EXOC4: variants seen among roughly 807,000 people sequenced by gnomAD.
EXOC4 encodes the protein SEC8-like 1.
In EXOC4, 71 loss-of-function variants were observed where a neutral mutation model predicts 107.2. That is an observed-to-expected ratio of 0.66 (90% CI 0.55 to 0.81). The LOEUF (loss-of-function observed/expected upper bound fraction) is 0.81, where lower values mean the gene tolerates loss of function less well. Ranked by LOEUF, EXOC4 falls within the 30% of genes least tolerant of loss-of-function variation. The pLI is 0.00. For synonymous variants in EXOC4, 456 were observed against 441.2 expected (o/e 1.03, Z -0.42); for missense variants, 1,108 against 1,189.6 (o/e 0.93, Z 1.01).
chr7:133,847,537 A>ATTTTTTTTTTTTTT (rs34297470), intron 11 of EXOC4, among the ~76,000 whole-genome samples: 8 of 127,190 alleles, frequency 6.3e-5, no homozygotes, highest in African/African-American at 2.1e-4. Flanking sequence ...TACACCAGCT[A>ATTTTTTTTTTTTTT]TTTTTTTTTT....
chr7:133,627,815 G>A (rs939658222), intron 9 of EXOC4, among the ~76,000 whole-genome samples: 3 of 152,192 alleles, frequency 2.0e-5, no homozygotes, highest in African/African-American at 7.2e-5. Context: ...TTTTAATTAA[G>A]GGTTGAGTAT....
rs35095963 is a variant in EXOC4 at position 133,899,745 on chromosome 7, C to CTTTT, written c.1871+4031_1871+4034dup. Among the ~76,000 whole-genome samples the CTTTT allele has an allele frequency of 4.1e-4, 35 of 86,234 alleles. 1 individual carries two copies. The highest frequency in any genetic ancestry group is 1.7e-3 in the African/African-American group (29 of 17,528). The allele number at this position is 86,234 out of a possible 152,430, so 56.6% of individuals were successfully genotyped here. A position where few individuals can be genotyped will look rare whatever the true frequency, so the allele number is the denominator to read the frequency against. ...GTATACCCAGTGTTCCAGATGTACT[C>CTTTT]TTTTTTTTTTTTTTTTTTTTTTTTG... is the stretch of plus-strand genomic sequence containing the variant. On this transcript the variant is annotated intron_variant, in intron 12 of 17. Coordinates refer to ENST00000253861, the MANE Select transcript of EXOC4 (RefSeq NM_021807.4).
In EXOC4 at chr7:133,567,252, A is replaced by AAT. The variant is rs200321581; in HGVS notation, c.1418-62780_1418-62779dup. Among the ~76,000 whole-genome samples, 973 of 151,604 alleles carry AAT rather than the reference A, an allele frequency of 6.4e-3. 6 individuals are homozygous for AAT. The highest frequency in any genetic ancestry group is 0.014 in the South Asian group (65 of 4,800). ...AGAAATTTTTTGGCATATATAAGCA[A>AAT]ATATATATATATATTCTTTTTTTTC... On this transcript the variant is annotated intron_variant, in intron 9 of 17. Transcript: ENST00000253861.
chr7:134,055,509 C>T (rs1398167853), intron 17 of EXOC4, among the ~76,000 whole-genome samples: 1 of 152,184 alleles, frequency 6.6e-6, no homozygotes, highest in Non-Finnish European at 1.5e-5. Flanking sequence ...AGCATATGTT[C>T]CCATCAAAGC....
intron 11 of EXOC4, among the ~76,000 whole-genome samples, chr7:133,860,170 A>G (rs1341818599): frequency 3.9e-5 from 6 of 152,324 alleles, no homozygotes; most frequent in Non-Finnish European, 7.4e-5. Flanking sequence ...CAAAGCCTGT[A>G]GGCCAATGCC....
intron 9 of EXOC4, among the ~76,000 whole-genome samples, chr7:133,596,204 ATT>A (rs1801667306): frequency 1.3e-5 from 2 of 152,086 alleles, no homozygotes; most frequent in South Asian, 4.1e-4. Flanking sequence ...TGAAAACTCT[ATT>A]TGGTTATTTT....
At chr7:133,412,920 C>T (rs1797396034) in intron 7 of EXOC4, among the ~76,000 whole-genome samples, 1 of 152,000 alleles carries the variant, frequency 6.6e-6, no homozygotes, top group South Asian at 2.1e-4. Flanking sequence ...GACTCTGTAT[C>T]TTTCTTAGAG....
At chr7:133,619,166 C>T (rs1802267020) in intron 9 of EXOC4, among the ~76,000 whole-genome samples, 2 of 152,134 alleles carry the variant, frequency 1.3e-5, no homozygotes, top group South Asian at 2.1e-4. Flanking sequence ...TAGATGCCAG[C>T]TCTGATTATC....
At chr7:133,828,039 T>G (rs572502968) in intron 11 of EXOC4, among the ~76,000 whole-genome samples, 5 of 152,132 alleles carry the variant, frequency 3.3e-5, no homozygotes, top group Non-Finnish European at 7.4e-5. Flanking sequence ...CAGGGCTTAT[T>G]TGGGGTAAGC....
intron 7 of EXOC4, among the ~76,000 whole-genome samples, chr7:133,459,187 C>CT (rs1296320497): frequency 2.0e-5 from 3 of 152,084 alleles, no homozygotes; most frequent in South Asian, 2.1e-4. Flanking sequence ...AGCATGCTGT[C>CT]TTTTTTCTTT....
intron 11 of EXOC4, among the ~76,000 whole-genome samples, chr7:133,836,131 C>T (rs1797913255): frequency 6.6e-6 from 1 of 152,170 alleles, no homozygotes; most frequent in African/African-American, 2.4e-5. Context: ...AATGTTTTAA[C>T]CAAACTCATA....
intron 9 of EXOC4, among the ~76,000 whole-genome samples, chr7:133,525,022 G>A (rs1800053289): frequency 6.6e-6 from 1 of 152,120 alleles, no homozygotes; most frequent in African/African-American, 2.4e-5. Flanking sequence ...CAGTGCATTT[G>A]AAATCCTTTC....
At chr7:133,395,610 A>G (rs756305585) in intron 7 of EXOC4, among the ~76,000 whole-genome samples, 1 of 152,146 alleles carries the variant, frequency 6.6e-6, no homozygotes, top group Non-Finnish European at 1.5e-5. Flanking sequence ...TTTAGGCCCT[A>G]TGTGATTCTG....
At chr7:133,615,264 C>CCCT (rs201330185) in intron 9 of EXOC4, among the ~76,000 whole-genome samples, 1 of 151,768 alleles carries the variant, frequency 6.6e-6, no homozygotes, top group Admixed American at 6.6e-5. Context: ...CTCCTCTTCT[C>CCCT]CCTCCTCCTC....
intron 10 of EXOC4, among the ~76,000 whole-genome samples, chr7:133,802,062 G>A (rs1350427397): frequency 3.9e-5 from 6 of 152,148 alleles, no homozygotes; most frequent in African/African-American, 1.4e-4. Context: ...TTGAACCTGT[G>A]GACCATGTAT....
At chr7:133,543,627 T>C (rs1033399083) in intron 9 of EXOC4, among the ~76,000 whole-genome samples, 2 of 152,156 alleles carry the variant, frequency 1.3e-5, no homozygotes, top group Non-Finnish European at 2.9e-5. Context: ...TATCCTGCTT[T>C]TATCTAGCCT....
At chr7:133,651,423 T>TGAA (rs1441355831) in intron 10 of EXOC4, among the ~76,000 whole-genome samples, 3 of 152,192 alleles carry the variant, frequency 2.0e-5, no homozygotes, top group Non-Finnish European at 4.4e-5. Flanking sequence ...TGTTTTGAAT[T>TGAA]GAACATTTTC....
At chr7:133,873,060 A>G (rs1798780722) in intron 11 of EXOC4, among the ~76,000 whole-genome samples, 1 of 152,218 alleles carries the variant, frequency 6.6e-6, no homozygotes, top group Admixed American at 6.5e-5. Flanking sequence ...CTATGATCCC[A>G]GCATTTTGGA....
chr7:133,788,093 C>T (rs73724748), intron 10 of EXOC4, among the ~76,000 whole-genome samples: 2,430 of 144,584 alleles, frequency 0.017, 69 homozygotes, highest in African/African-American at 0.059. Flanking sequence ...TTGGTTGGTT[C>T]TTCTGCTTTA....
Sources: gnomAD v4.1 joint callset for allele counts (sites outside exome capture counted in the v4.1 genomes callset) on GRCh38, gnomAD v4.1.1 for gene constraint, MANE v1.5 for transcripts, NCBI Gene and HGNC (gene_info 2026-07-23, HGNC 2026-07-21) for gene names.